Variants in VPS33A observed in about 807,000 individuals in gnomAD.
VPS33A encodes the protein VPS33A core subunit of CORVET and HOPS complexes.
A neutral mutation model predicts 71.8 loss-of-function variants in VPS33A; 32 were observed. That is an observed-to-expected ratio of 0.45 (90% CI 0.34 to 0.60). The LOEUF (loss-of-function observed/expected upper bound fraction) is 0.60, where lower values mean the gene tolerates loss of function less well. Ranked by LOEUF, VPS33A falls within the 20% of genes least tolerant of loss-of-function variation. The pLI, the probability that VPS33A is intolerant of heterozygous loss-of-function variation, is 0.02. For synonymous variants in VPS33A, 311 were observed against 292.7 expected, an observed-to-expected ratio of 1.06 and a Z score of -0.64; for missense variants, 625 against 748.5, an observed-to-expected ratio of 0.84 and a Z score of 1.92.
chr12:122,247,404 T>C (rs1172150936), intron 6 of VPS33A, among the ~76,000 whole-genome samples: 1 of 151,982 alleles, frequency 6.6e-6, no homozygotes, highest in Admixed American at 6.6e-5. Flanking sequence ...GGGACCACCC[T>C]GTTTCTTTGA....
chr12:122,242,488 G>C lies in VPS33A; in HGVS notation c.990C>G (p.Thr330=). 4.3e-6 allele frequency: 7 copies of C among 1,613,890 alleles called. No homozygotes were observed. The highest frequency in any genetic ancestry group is 5.1e-6 in the Non-Finnish European group (6 of 1,179,812). Residue 330 remains threonine (T), a synonymous_variant, in exon 8 of 13, where the codon ACC becomes ACG. Transcript: ENST00000267199. ...AAFEERHNAK[T]VGEIKQFVSQ... ...AAACAAACTGCTTGATCTCCCCCAC[G>C]GTCTTAGCATTGTGTCTTTCCTGAA...
Position 122,235,919 on chromosome 12 carries a change from T to C in VPS33A, c.1307A>G (p.Tyr436Cys). The C allele has an allele frequency of 6.2e-7, 1 of 1,605,304 alleles. No homozygotes were observed. The highest frequency in any genetic ancestry group is 1.1e-5 in the South Asian group (1 of 89,544). Reference protein sequence around the residue: ...DYYKREILQTYGYEHILTLHN... With the variant: ...DYYKREILQTCGYEHILTLHN... ...TAAGGTCAATATGTGCTCATAGCCG[T>C]ATGTCTGCAAGGGAAGTCATTTGGC... The change falls in exon 11 of 13, where the codon TAC (tyrosine) becomes TGC (cysteine). Residue 436 changes from tyrosine to cysteine, a missense_variant. By Grantham distance (194) the Tyr-to-Cys change is radical. Coordinates refer to ENST00000267199, the MANE Select transcript of VPS33A (RefSeq NM_022916.6).
At position 122,229,805 on chromosome 12, in the gene VPS33A, C is replaced by T. The variant is rs979928510; in HGVS notation, c.*2441G>A. 2 of 152,180 alleles carry T rather than the reference C, an allele frequency of 1.3e-5. No individual in the cohort carries two copies. Among genetic ancestry groups the T allele is most frequent in the African/African-American group, 4.8e-5 (2 of 41,426 alleles). 9.4% of individuals were successfully genotyped at this position (152,180 alleles called of 1,614,324 possible). The stretch of plus-strand genomic sequence containing the variant: ...ATTTTCTATTTGCATACAAATGAAG[C>T]AATTGAAGTTTTTCAGTCTTCTGCT... On this transcript the variant is annotated 3_prime_UTR_variant, in exon 13 of 13. Coordinates refer to ENST00000267199, the MANE Select transcript of VPS33A (RefSeq NM_022916.6).
intron 5 of VPS33A, 88 bp downstream of exon 5, chr12:122,250,895 G>C (rs1440346928): frequency 1.1e-6 from 1 of 915,888 alleles, no homozygotes; most frequent in Non-Finnish European, 1.7e-6. Flanking sequence ...AAGATCAACT[G>C]AATTTGTTTG....
In VPS33A at chr12:122,247,325, T is replaced by TC. The variant is rs1225302239; in HGVS notation, c.775+2545dup. Among the ~76,000 whole-genome samples, 3 of 149,578 alleles carry TC rather than the reference T, an allele frequency of 2.0e-5. No homozygotes were observed. In the East Asian group the frequency reaches 5.9e-4, roughly 29 times the overall value. ...CCTGGGCCAACTCCCAGGCCGCCTC[T>TC]CCCCCCACCATTCCCCATCCTGAAC... is the stretch of plus-strand genomic sequence containing the variant. On this transcript the variant is annotated intron_variant, in intron 6 of 12. Transcript: ENST00000267199.
In VPS33A at chr12:122,263,625, A is replaced by G. The variant is rs769921977; in HGVS notation, c.243T>C (p.Phe81=). The G allele has an allele frequency of 1.2e-6, 2 of 1,613,196 alleles. No homozygotes were observed. Among genetic ancestry groups the G allele is most frequent in the Admixed American group, 1.7e-5 (1 of 59,950 alleles). ...TCAACTCTAGCCTGGGTCTGACAAA[A>G]AAAATTATATTCTTCACATCAGCTG... The part of the protein sequence containing the change: ...LPAADVKNII[F]FVRPRLELMD... Residue 81 remains phenylalanine, a synonymous_variant, in exon 3 of 13, where the codon TTT becomes TTC. Coordinates refer to ENST00000267199, the MANE Select transcript of VPS33A (RefSeq NM_022916.6).
chr12:122,250,906 T>TA lies in VPS33A; in HGVS notation c.600+76dup, dbSNP rs1296914069. ...AATTAAGATCAACTGAATTTGTTTG[T>TA]AAGGAGCTTCCCGTTCCTCCTCCCT... On this transcript the variant is annotated intron_variant, in intron 5 of 12. Coordinates refer to ENST00000267199, the MANE Select transcript of VPS33A (RefSeq NM_022916.6). 7 of 1,028,496 alleles carry TA rather than the reference T, an allele frequency of 6.8e-6. No individual in the cohort carries two copies. In the African/African-American group the frequency reaches 8.0e-5, roughly 12 times the overall value. 63.7% of individuals were successfully genotyped at this position (1,028,496 alleles called of 1,614,324 possible).
At chr12:122,252,643 T>A (rs1954861309) in intron 4 of VPS33A, among the ~76,000 whole-genome samples, 1 of 152,136 alleles carries the variant, frequency 6.6e-6, no homozygotes. Flanking sequence ...AAGCAGTCAC[T>A]TTTGATACAG....
chr12:122,266,190 C>G, intron 1 of VPS33A, 117 bp downstream of exon 1: 2 of 1,430,492 alleles, frequency 1.4e-6, no homozygotes, highest in Non-Finnish European at 1.9e-6. Context: ...CCCTGAGGCT[C>G]GCCTCCTTGG....
At chr12:122,261,639 C>T (rs1370146214) in intron 3 of VPS33A, among the ~76,000 whole-genome samples, 192 bp from the exon 4 acceptor site, 5 of 152,102 alleles carry the variant, frequency 3.3e-5, no homozygotes, top group Non-Finnish European at 7.4e-5. Context: ...GAGGCCAAGG[C>T]GGGCGGATCA....
intron 4 of VPS33A, among the ~76,000 whole-genome samples, chr12:122,257,566 G>T (rs1176727833): frequency 3.3e-5 from 5 of 151,854 alleles, no homozygotes; most frequent in South Asian, 2.1e-4. Context: ...CTAGTTACTT[G>T]GGAGGCTGAG....
At chr12:122,251,788 G>T (rs1002410107) in intron 4 of VPS33A, among the ~76,000 whole-genome samples, 2 of 151,858 alleles carry the variant, frequency 1.3e-5, no homozygotes, top group Admixed American at 6.6e-5. Flanking sequence ...GTGGGGGAAG[G>T]GGGGAGGGAT....
In VPS33A at chr12:122,232,069, A is replaced by T. The variant is rs1954569427; in HGVS notation, c.*177T>A. On this transcript the variant is annotated 3_prime_UTR_variant, in exon 13 of 13. Transcript: ENST00000267199. ...AAGACTCCGTCTCAAAGGAAAAAAA[A>T]AAAGGGAATACAAAAGAGACGGAGA... 3.3e-6 allele frequency: 2 copies of T among 608,254 alleles called. No individual in the cohort carries two copies. Among genetic ancestry groups the T allele is most frequent in the African/African-American group, 1.9e-5 (1 of 51,922 alleles). 37.7% of individuals were successfully genotyped at this position (608,254 alleles called of 1,614,324 possible).
chr12:122,238,938 CCACACACACACCCTGGCCACCACA>C (rs1162115918), intron 9 of VPS33A, among the ~76,000 whole-genome samples: 1 of 146,874 alleles, frequency 6.8e-6, no homozygotes, highest in Non-Finnish European at 1.5e-5. Context: ...CTAGCCCCAG[CCACACACACACCCTGGCCACCACA>C]CACACACACA....
In VPS33A at chr12:122,235,908, G is replaced by A. The variant is rs143287106; in HGVS notation, c.1318C>T (p.His440Tyr). 9.0e-4 allele frequency: 1,447 copies of A among 1,609,476 alleles called. 8 individuals carry two copies. The highest frequency in any genetic ancestry group is 7.2e-3 in the African/African-American group (536 of 74,740). Reference sequence around the variant, plus strand: ...TCCAGGTTGTGTAAGGTCAATATGTGCTCATAGCCGTATGTCTGCAAGGGA... The same window carrying A: ...TCCAGGTTGTGTAAGGTCAATATGTACTCATAGCCGTATGTCTGCAAGGGA... Reference protein sequence around the residue: ...REILQTYGYEHILTLHNLEKA... With the variant: ...REILQTYGYEYILTLHNLEKA... The change falls in exon 11 of 13, where the codon CAC becomes TAC. Residue 440 changes from histidine (H) to tyrosine (Y), a missense_variant. His to Tyr is a moderately conservative substitution (Grantham distance 83, BLOSUM62 2). Transcript: ENST00000267199.
At chr12:122,253,913 G>A (rs1436467722) in intron 4 of VPS33A, among the ~76,000 whole-genome samples, 5 of 152,024 alleles carry the variant, frequency 3.3e-5, no homozygotes, top group African/African-American at 1.2e-4. Context: ...TGCCGAGGCT[G>A]GTCTCGAACC....
intron 3 of VPS33A, among the ~76,000 whole-genome samples, chr12:122,263,012 A>G (rs527255023): frequency 0.034 from 3,291 of 97,062 alleles, 53 homozygotes; most frequent in Middle Eastern, 0.12. Context: ...TTTTTTTTTG[A>G]GACGGAGTCT....
At chr12:122,236,750 C>T (rs1041710485) in intron 10 of VPS33A, among the ~76,000 whole-genome samples, 1 of 152,244 alleles carries the variant, frequency 6.6e-6, no homozygotes, top group African/African-American at 2.4e-5. Flanking sequence ...GCTCTAACCC[C>T]ATGACGTAGG....
intron 9 of VPS33A, among the ~76,000 whole-genome samples, chr12:122,238,988 T>C (rs1206307680): frequency 1.3e-4 from 16 of 122,224 alleles, no homozygotes; most frequent in African/African-American, 4.6e-4. Context: ...CACACACACA[T>C]ACATACATAC....
Sources: gnomAD v4.1 joint callset for allele counts (sites outside exome capture counted in the v4.1 genomes callset) on GRCh38, gnomAD v4.1.1 for gene constraint, MANE v1.5 for transcripts, NCBI Gene and HGNC (gene_info 2026-07-23, HGNC 2026-07-21) for gene names.